Variants in XKR6 observed in about 807,000 individuals in gnomAD.
The protein encoded by XKR6 is XK-related protein 6.
Under a neutral mutation model 56.7 loss-of-function variants are expected in XKR6, and 22 were observed. That is an observed-to-expected ratio of 0.39 (90% CI 0.28 to 0.55). The LOEUF (loss-of-function observed/expected upper bound fraction) is 0.55. Among genes scored for constraint, XKR6 ranks in the 20% least tolerant of loss-of-function variants. The pLI is 0.66. For missense variants in XKR6, 852 were observed against 889.0 expected (o/e 0.96, Z 0.53); for synonymous variants, 524 against 387.8 (o/e 1.35, Z -4.13).
At chr8:11,113,865 T>G in intron 1 of XKR6, 1 of 230,286 alleles carries the variant, frequency 4.3e-6, no homozygotes, top group South Asian at 5.1e-5. Context: ...AGTATGTTGT[T>G]TAATACCTTT....
intron 1 of XKR6, among the ~76,000 whole-genome samples, chr8:11,061,048 G>A (rs1799820912): frequency 6.6e-6 from 1 of 152,216 alleles, no homozygotes; most frequent in Non-Finnish European, 1.5e-5. Flanking sequence ...TAGGGCTGAG[G>A]GTTGGAGATG....
At chr8:11,123,658 A>T (rs960256818) in intron 1 of XKR6, 16 of 340,122 alleles carry the variant, frequency 4.7e-5, no homozygotes, top group African/African-American at 2.8e-4. Context: ...AAAATACTCA[A>T]ATATATCTTT....
chr8:11,032,033 G>C (rs1221483720), intron 1 of XKR6, among the ~76,000 whole-genome samples: 2 of 152,274 alleles, frequency 1.3e-5, no homozygotes, highest in African/African-American at 4.8e-5. Flanking sequence ...CTGAGACAGG[G>C]CTCCCAAGAC....
At chr8:10,958,345 T>G (rs992530261) in intron 1 of XKR6, among the ~76,000 whole-genome samples, 1 of 152,194 alleles carries the variant, frequency 6.6e-6, no homozygotes, top group Non-Finnish European at 1.5e-5. Context: ...CCGGCACTAA[T>G]GCGATTATGG....
At chr8:11,096,545 C>T (rs554539029) in intron 1 of XKR6, among the ~76,000 whole-genome samples, 6 of 152,306 alleles carry the variant, frequency 3.9e-5, no homozygotes, top group South Asian at 2.1e-4. Context: ...AGGTATCAGA[C>T]GGATCAAAGC....
At chr8:10,954,833 G>A (rs1300913111) in intron 1 of XKR6, among the ~76,000 whole-genome samples, 1 of 100,466 alleles carries the variant, frequency 1.0e-5, no homozygotes, top group Non-Finnish European at 2.1e-5. Flanking sequence ...GTTTTTTTTT[G>A]TATGATGTAA....
At chr8:11,102,682 C>T (rs1400913173) in intron 1 of XKR6, among the ~76,000 whole-genome samples, 2 of 152,098 alleles carry the variant, frequency 1.3e-5, no homozygotes, top group South Asian at 2.1e-4. Flanking sequence ...TGAAAGGCTA[C>T]TTCAGCATTC....
At chr8:11,026,957 C>T (rs977140787) in intron 1 of XKR6, among the ~76,000 whole-genome samples, 1 of 151,906 alleles carries the variant, frequency 6.6e-6, no homozygotes, top group Non-Finnish European at 1.5e-5. Flanking sequence ...TAGCCTACTA[C>T]ACACTTCGAT....
intron 1 of XKR6, among the ~76,000 whole-genome samples, chr8:10,986,859 T>G (rs1797875096): frequency 6.6e-6 from 1 of 151,808 alleles, no homozygotes; most frequent in Admixed American, 6.6e-5. Context: ...CACTGCAGCA[T>G]AGAACTCCAG....
At chr8:11,016,770 C>A (rs1300702399) in intron 1 of XKR6, among the ~76,000 whole-genome samples, 2 of 152,206 alleles carry the variant, frequency 1.3e-5, no homozygotes, top group Non-Finnish European at 1.5e-5. Context: ...CCGCTCTGAG[C>A]CGGCGCGTCC....
intron 1 of XKR6, among the ~76,000 whole-genome samples, chr8:10,992,210 T>C (rs1158657820): frequency 6.6e-6 from 1 of 152,182 alleles, no homozygotes; most frequent in Non-Finnish European, 1.5e-5. Flanking sequence ...AACAAATTAA[T>C]AGATGGTGGT....
At chr8:11,055,312 G>A (rs7841843) in intron 1 of XKR6, among the ~76,000 whole-genome samples, 1 of 152,162 alleles carries the variant, frequency 6.6e-6, no homozygotes, top group East Asian at 1.9e-4. Flanking sequence ...TCCCTAGGGT[G>A]GGGGAGGAGG....
At chr8:11,041,609 G>C (rs916883157) in intron 1 of XKR6, among the ~76,000 whole-genome samples, 23 of 151,974 alleles carry the variant, frequency 1.5e-4, no homozygotes, top group Non-Finnish European at 1.0e-4. Context: ...TGATGCAGAT[G>C]CAAAGGGAGG....
intron 1 of XKR6, among the ~76,000 whole-genome samples, chr8:10,940,574 G>A (rs572139766): frequency 3.3e-5 from 5 of 152,244 alleles, no homozygotes; most frequent in South Asian, 2.1e-4. Context: ...TCTCTTTGTC[G>A]GCACCTGCAG....
chr8:11,057,561 A>G (rs114831778), intron 1 of XKR6, among the ~76,000 whole-genome samples: 3,890 of 152,250 alleles, frequency 0.026, 163 homozygotes, highest in African/African-American at 0.09. Context: ...CACACATGTG[A>G]GGCATTCCCA....
chr8:10,914,477 C>T (rs1290860204), intron 2 of XKR6, among the ~76,000 whole-genome samples: 4 of 152,180 alleles, frequency 2.6e-5, no homozygotes, highest in Admixed American at 2.6e-4. Context: ...CACGAGGTCT[C>T]AGGTTCTTGA....
At chr8:10,924,928 C>G (rs1286651486) in intron 1 of XKR6, 98 bp from the exon 2 acceptor site, 2 of 1,317,230 alleles carry the variant, frequency 1.5e-6, no homozygotes, top group African/African-American at 1.5e-5. Context: ...CTCAGCATCC[C>G]CCCAACTCCC....
chr8:10,902,781 T>C (rs1800073065), intron 2 of XKR6, among the ~76,000 whole-genome samples: 1 of 152,216 alleles, frequency 6.6e-6, no homozygotes, highest in African/African-American at 2.4e-5. Flanking sequence ...TGTACAGGCC[T>C]CGTGCCCCTG....
intron 1 of XKR6, among the ~76,000 whole-genome samples, chr8:11,088,671 G>A (rs1383184087): frequency 6.6e-6 from 1 of 152,136 alleles, no homozygotes; most frequent in Non-Finnish European, 1.5e-5. Flanking sequence ...AAGTGATGAG[G>A]ATTAAACTGT....
Sources: gnomAD v4.1 joint callset for allele counts (sites outside exome capture counted in the v4.1 genomes callset) on GRCh38, gnomAD v4.1.1 for gene constraint, MANE v1.5 for transcripts, NCBI Gene and HGNC (gene_info 2026-07-23, HGNC 2026-07-21) for gene names.